Variants in GRIK1 observed in about 807,000 individuals in gnomAD.
GRIK1 encodes the protein glutamate receptor ionotropic, kainate 1.
In GRIK1, 69 loss-of-function variants were observed where a neutral mutation model predicts 105.7. The observed-to-expected ratio is 0.65, with a 90% CI of 0.54 to 0.80. The LOEUF is 0.80. Among genes scored for constraint, GRIK1 ranks in the 30% least tolerant of loss-of-function variants. GRIK1 has a pLI of 0.00. For missense variants in GRIK1, 1,109 were observed against 1,167.3 expected, an observed-to-expected ratio of 0.95 and a Z score of 0.73; for synonymous variants, 438 against 431.3, an observed-to-expected ratio of 1.02 and a Z score of -0.19.
Position 29,587,964 on chromosome 21 carries a change from C to CTTTTTTTTTTTTTTTTTTTTTTTT in GRIK1, c.1570-399_1570-376dup, listed in dbSNP as rs568648777. Among the ~76,000 whole-genome samples, 5 of 65,410 alleles carry CTTTTTTTTTTTTTTTTTTTTTTTT rather than the reference C, an allele frequency of 7.6e-5. 1 individual carries two copies. Among genetic ancestry groups the CTTTTTTTTTTTTTTTTTTTTTTTT allele is most frequent in the African/African-American group, 2.0e-4 (3 of 15,204 alleles). The allele number at this position is 65,410 out of a possible 152,430, so 42.9% of individuals were successfully genotyped here. A position where few individuals can be genotyped will look rare whatever the true frequency, so the allele number is the denominator to read the frequency against. On this transcript the variant is annotated intron_variant, in intron 11 of 17. Coordinates refer to ENST00000327783, the MANE Select transcript of GRIK1 (RefSeq NM_001330994.2). ...GCTCTGAGCTGAAAACTTTAAAATT[C>CTTTTTTTTTTTTTTTTTTTTTTTT]TTTTTTTTTTTTTTTTTTTTTTTTT...
At chr21:29,552,721 T>C (rs1159497555) in intron 16 of GRIK1, among the ~76,000 whole-genome samples, 2 of 152,048 alleles carry the variant, frequency 1.3e-5, no homozygotes, top group African/African-American at 4.8e-5. Context: ...AGCTTAGGAC[T>C]TTGCTGGGAT....
intron 7 of GRIK1, among the ~76,000 whole-genome samples, chr21:29,635,897 G>A (rs2062389208): frequency 6.6e-6 from 1 of 152,130 alleles, no homozygotes; most frequent in Admixed American, 6.6e-5. Flanking sequence ...CACCCAATGA[G>A]TAAAAGAAAC....
chr21:29,886,462 T>C (rs543449368), intron 1 of GRIK1, among the ~76,000 whole-genome samples: 1 of 152,110 alleles, frequency 6.6e-6, no homozygotes, highest in East Asian at 1.9e-4. Context: ...CACACTTCTG[T>C]CAGGAAGAAA....
intron 1 of GRIK1, among the ~76,000 whole-genome samples, chr21:29,844,337 C>T (rs908038422): frequency 6.6e-6 from 1 of 152,150 alleles, no homozygotes; most frequent in Non-Finnish European, 1.5e-5. Context: ...AGCACTAACA[C>T]CTGAGGGTCA....
intron 1 of GRIK1, among the ~76,000 whole-genome samples, chr21:29,777,004 G>A (rs2065963015): frequency 6.6e-6 from 1 of 152,222 alleles, no homozygotes; most frequent in Non-Finnish European, 1.5e-5. Flanking sequence ...GTACAAGACT[G>A]GTCCTAAATT....
At chr21:29,587,057 C>T (rs1022611633) in intron 12 of GRIK1, among the ~76,000 whole-genome samples, 7 of 152,120 alleles carry the variant, frequency 4.6e-5, no homozygotes, top group Non-Finnish European at 8.8e-5. Flanking sequence ...ACATTTTACA[C>T]ATCATTTGAG....
At chr21:29,602,317 A>C (rs745362853) in intron 7 of GRIK1, among the ~76,000 whole-genome samples, 3 of 152,238 alleles carry the variant, frequency 2.0e-5, no homozygotes, top group Non-Finnish European at 4.4e-5. Flanking sequence ...ACATATTACT[A>C]TCTGGCTGGG....
At chr21:29,564,823 C>T (rs980888055) in intron 14 of GRIK1, among the ~76,000 whole-genome samples, 6 of 152,208 alleles carry the variant, frequency 3.9e-5, no homozygotes, top group Non-Finnish European at 8.8e-5. Context: ...CAGTATTCAA[C>T]AGCTGCAACA....
chr21:29,578,179 G>C (rs1354951963), intron 13 of GRIK1, among the ~76,000 whole-genome samples: 1 of 152,134 alleles, frequency 6.6e-6, no homozygotes, highest in Non-Finnish European at 1.5e-5. Flanking sequence ...ATTTGCCATT[G>C]GTTCTGTACT....
intron 1 of GRIK1, among the ~76,000 whole-genome samples, chr21:29,920,269 T>C (rs531312291): frequency 6.6e-6 from 1 of 152,170 alleles, no homozygotes. Context: ...ATAGTTTCAT[T>C]TTCCCATTAT....
intron 7 of GRIK1, chr21:29,630,854 C>T (rs961119540): frequency 3.8e-4 from 129 of 336,020 alleles, no homozygotes; most frequent in Admixed American, 2.5e-4. Context: ...GGCTGGAGTG[C>T]AGTGGCGAGA....
chr21:29,664,042 GGATT>G (rs1448278204), intron 4 of GRIK1, among the ~76,000 whole-genome samples: 1 of 152,160 alleles, frequency 6.6e-6, no homozygotes, highest in Non-Finnish European at 1.5e-5. Flanking sequence ...CAAGTAAGGT[GGATT>G]TCTTGGTTTC....
intron 1 of GRIK1, among the ~76,000 whole-genome samples, chr21:29,857,181 CAG>C: frequency 6.6e-6 from 1 of 152,242 alleles, no homozygotes; most frequent in East Asian, 1.9e-4. Flanking sequence ...AACGTGGAAG[CAG>C]AGAGGTCAAT....
At chr21:29,578,768 G>C (rs2090951570) in intron 13 of GRIK1, among the ~76,000 whole-genome samples, 1 of 152,108 alleles carries the variant, frequency 6.6e-6, no homozygotes, top group East Asian at 1.9e-4. Flanking sequence ...GTGGGTGTGT[G>C]TGTGTTTAAT....
intron 1 of GRIK1, among the ~76,000 whole-genome samples, chr21:29,900,083 CAAAAAA>C (rs10547423): frequency 7.4e-5 from 9 of 122,350 alleles, no homozygotes; most frequent in Middle Eastern, 4.0e-3. Context: ...GACTCTGTCT[CAAAAAA>C]AAAAAAAAAA....
chr21:29,662,142 A>T (rs1158299659), intron 4 of GRIK1, among the ~76,000 whole-genome samples: 6 of 152,256 alleles, frequency 3.9e-5, no homozygotes. Context: ...AAGGAAGCTC[A>T]TACTAATAGA....
At chr21:29,890,327 A>C (rs1183800651) in intron 1 of GRIK1, among the ~76,000 whole-genome samples, 1 of 152,180 alleles carries the variant, frequency 6.6e-6, no homozygotes, top group Admixed American at 6.5e-5. Flanking sequence ...TCAATTTTTC[A>C]CTTACTTTGA....
intron 1 of GRIK1, among the ~76,000 whole-genome samples, chr21:29,794,524 C>T (rs1308579285): frequency 6.6e-6 from 1 of 152,156 alleles, no homozygotes; most frequent in African/African-American, 2.4e-5. Flanking sequence ...ACATCATCAT[C>T]ATGGTTAAAA....
chr21:29,571,378 C>T (rs2090745871), intron 14 of GRIK1, among the ~76,000 whole-genome samples: 1 of 151,760 alleles, frequency 6.6e-6, no homozygotes, highest in African/African-American at 2.4e-5. Flanking sequence ...AAAAAAAATT[C>T]CACTTAGTTC....
Sources: gnomAD v4.1 joint callset for allele counts (sites outside exome capture counted in the v4.1 genomes callset) on GRCh38, gnomAD v4.1.1 for gene constraint, MANE v1.5 for transcripts, NCBI Gene and HGNC (gene_info 2026-07-23, HGNC 2026-07-21) for gene names.